Variants in CCDC149 observed in about 807,000 individuals in gnomAD.
CCDC149 encodes coiled-coil domain containing 149.
In CCDC149, 45 loss-of-function variants were observed where a neutral mutation model predicts 59.9. The ratio of observed to expected loss-of-function variants is 0.75; its 90% confidence interval spans 0.59 to 0.96. CCDC149 has a LOEUF of 0.96. Among genes scored for constraint, CCDC149 ranks in the 40% least tolerant of loss-of-function variants. The probability of loss-of-function intolerance (pLI) is 0.00; values close to 1 mark genes in which losing one functional copy is unlikely to be tolerated. For missense variants in CCDC149, 584 were observed against 664.7 expected (o/e 0.88, Z 1.33); for synonymous variants, 245 against 260.6 (o/e 0.94, Z 0.58).
intron 1 of CCDC149, among the ~76,000 whole-genome samples, chr4:24,931,829 G>GTATATATATATGTATATA (rs1722598057): frequency 1.3e-5 from 1 of 76,908 alleles, no homozygotes. Flanking sequence ...TGGAGAGTAT[G>GTATATATATATGTATATA]TATATATATA....
chr4:24,921,251 T>C (rs1194513146), intron 1 of CCDC149, among the ~76,000 whole-genome samples: 1 of 152,214 alleles, frequency 6.6e-6, no homozygotes, highest in East Asian at 1.9e-4. Context: ...CAACACTGTA[T>C]AATTATCTGT....
chr4:24,900,337 G>A (rs775224881), intron 1 of CCDC149, among the ~76,000 whole-genome samples: 51 of 152,194 alleles, frequency 3.4e-4, no homozygotes, highest in Non-Finnish European at 5.7e-4. Context: ...CTACAATGGT[G>A]GCTCTCTCCT....
chr4:24,944,877 C>G (rs905746344), intron 1 of CCDC149, among the ~76,000 whole-genome samples: 2 of 152,180 alleles, frequency 1.3e-5, no homozygotes, highest in Admixed American at 1.3e-4. Flanking sequence ...AGGGAGCTCA[C>G]GACCACTGGT....
chr4:24,970,583 T>C (rs780556237), intron 1 of CCDC149, among the ~76,000 whole-genome samples: 19 of 152,130 alleles, frequency 1.2e-4, no homozygotes, highest in Non-Finnish European at 7.4e-5. Context: ...ACATAACACA[T>C]GTCACTACAC....
At chr4:24,836,342 T>C in intron 7 of CCDC149, 94 bp downstream of exon 7, 1 of 874,044 alleles carries the variant, frequency 1.1e-6, no homozygotes. Flanking sequence ...AGGCAAGTAC[T>C]AAAATATCTT....
At chr4:24,868,381 A>G (rs1403378251) in intron 3 of CCDC149, among the ~76,000 whole-genome samples, 1 of 152,162 alleles carries the variant, frequency 6.6e-6, no homozygotes, top group East Asian at 1.9e-4. Context: ...AAAATGTAAA[A>G]TATGTTTAAG....
chr4:24,972,201 G>C (rs888233262), intron 1 of CCDC149, among the ~76,000 whole-genome samples: 1 of 152,200 alleles, frequency 6.6e-6, no homozygotes, highest in Non-Finnish European at 1.5e-5. Context: ...CAGACAGAGG[G>C]AAGGATGACA....
chr4:24,808,295 CAGG>C lies in CCDC149; in HGVS notation c.*91_*93del. ...CTCACTTGCAGACTCGGAGGTATTT[CAGG>C]AGAAGGCGACGTGAGCGCACCATTC... is the stretch of plus-strand genomic sequence containing the variant. On this transcript the variant is annotated 3_prime_UTR_variant, in exon 13 of 13. Coordinates refer to ENST00000635206, the MANE Select transcript of CCDC149 (RefSeq NM_001330643.2). 8.4e-7 allele frequency: 1 copy of C among 1,188,480 alleles called. No homozygotes were observed. Among genetic ancestry groups the C allele is most frequent in the Non-Finnish European group, 1.1e-6 (1 of 891,580 alleles). 73.6% of individuals were successfully genotyped at this position (1,188,480 alleles called of 1,614,324 possible). A position where few individuals can be genotyped will look rare whatever the true frequency, so the allele number is the denominator to read the frequency against.
chr4:24,905,419 G>GTA (rs1231212291), intron 1 of CCDC149, among the ~76,000 whole-genome samples: 1 of 107,030 alleles, frequency 9.3e-6, no homozygotes, highest in East Asian at 3.0e-4. Context: ...GCGTGCGTGT[G>GTA]TGTGTGTGTG....
intron 4 of CCDC149, among the ~76,000 whole-genome samples, chr4:24,841,621 A>G (rs1716942763): frequency 6.6e-6 from 1 of 152,224 alleles, no homozygotes; most frequent in South Asian, 2.1e-4. Context: ...ACCGCAGAGG[A>G]GATGGCAGAG....
chr4:24,841,508 T>C (rs975144237), intron 4 of CCDC149, among the ~76,000 whole-genome samples: 1 of 152,218 alleles, frequency 6.6e-6, no homozygotes, highest in African/African-American at 2.4e-5. Context: ...GCTGGACTGG[T>C]TGAAACACTT....
intron 1 of CCDC149, among the ~76,000 whole-genome samples, chr4:24,883,210 T>C (rs893401628): frequency 5.3e-5 from 8 of 151,800 alleles, no homozygotes; most frequent in African/African-American, 1.2e-4. Context: ...TTTCTTTTTT[T>C]TTTTTTTAAA....
chr4:24,861,263 G>GCACA (rs35082191), intron 3 of CCDC149, among the ~76,000 whole-genome samples: 3,362 of 148,406 alleles, frequency 0.023, 110 homozygotes, highest in African/African-American at 0.072. Flanking sequence ...ATATATATAT[G>GCACA]CACACACACA....
At chr4:24,939,294 G>C (rs1266820625) in intron 1 of CCDC149, among the ~76,000 whole-genome samples, 1 of 152,200 alleles carries the variant, frequency 6.6e-6, no homozygotes, top group East Asian at 1.9e-4. Flanking sequence ...GGTCTGGAGT[G>C]TACCTCCAGT....
At chr4:24,896,053 G>C (rs1720829396) in intron 1 of CCDC149, among the ~76,000 whole-genome samples, 1 of 152,158 alleles carries the variant, frequency 6.6e-6, no homozygotes, top group Non-Finnish European at 1.5e-5. Context: ...CTGAATCCAG[G>C]GTTCCCAGCA....
At chr4:24,815,140 A>G (rs371375156) in intron 12 of CCDC149, among the ~76,000 whole-genome samples, 7 of 152,254 alleles carry the variant, frequency 4.6e-5, no homozygotes, top group African/African-American at 1.7e-4. Context: ...GCATGAATCC[A>G]TGAATATATT....
At chr4:24,954,578 G>A (rs1723408338) in intron 1 of CCDC149, among the ~76,000 whole-genome samples, 1 of 152,218 alleles carries the variant, frequency 6.6e-6, no homozygotes, top group South Asian at 2.1e-4. Flanking sequence ...GGTGGCTTGA[G>A]CTGCACCTAG....
At chr4:24,827,411 G>A (rs528929494) in intron 9 of CCDC149, 2 of 152,508 alleles carry the variant, frequency 1.3e-5, no homozygotes, top group Admixed American at 6.5e-5. Context: ...GCCAGGGAAA[G>A]AGAAGAGGAA....
chr4:24,885,419 C>A, intron 1 of CCDC149, among the ~76,000 whole-genome samples: 1 of 152,212 alleles, frequency 6.6e-6, no homozygotes, highest in East Asian at 1.9e-4. Flanking sequence ...TCTGAGCTGT[C>A]AGGCCTACAG....
Sources: allele counts gnomAD v4.1 joint callset (sites outside exome capture counted in the v4.1 genomes callset), GRCh38; gene constraint gnomAD v4.1.1; transcripts MANE v1.5; gene names NCBI Gene and HGNC (gene_info 2026-07-23, HGNC 2026-07-21).